Variants in ABCB1 observed in about 807,000 individuals in gnomAD.
ABCB1 encodes ATP-dependent translocase ABCB1.
ABCB1 carries 69 observed loss-of-function variants against 142.0 expected under a neutral mutation model. That is an observed-to-expected ratio of 0.49 (90% CI 0.40 to 0.59). The LOEUF (loss-of-function observed/expected upper bound fraction) is 0.59. Among genes scored for constraint, ABCB1 ranks in the 20% least tolerant of loss-of-function variants. The pLI, the probability that ABCB1 is intolerant of heterozygous loss-of-function variation, is 0.00. For synonymous variants in ABCB1, 532 were observed against 539.2 expected (o/e 0.99, Z 0.18); for missense variants, 1,326 against 1,554.7 (o/e 0.85, Z 2.47).
chr7:87,696,320 A>G (rs1175674590), intron 1 of ABCB1, among the ~76,000 whole-genome samples: 3 of 152,106 alleles, frequency 2.0e-5, no homozygotes, highest in Admixed American at 2.0e-4. Flanking sequence ...TATTACTTCA[A>G]TATTTATTTT....
intron 1 of ABCB1, among the ~76,000 whole-genome samples, chr7:87,709,033 TTTATAAGTCTG>T (rs1450754369): frequency 6.6e-6 from 1 of 152,224 alleles, no homozygotes; most frequent in Non-Finnish European, 1.5e-5. Context: ...CCAAACAATC[TTTATAAGTCTG>T]TTTGTCTTCT....
At chr7:87,538,909 A>G (rs1179535605) in intron 19 of ABCB1, among the ~76,000 whole-genome samples, 1 of 152,182 alleles carries the variant, frequency 6.6e-6, no homozygotes. Flanking sequence ...TGGTGGGAAG[A>G]AACACTCGTG....
intron 1 of ABCB1, among the ~76,000 whole-genome samples, chr7:87,632,223 T>C (rs989957266): frequency 1.3e-5 from 2 of 152,200 alleles, no homozygotes; most frequent in African/African-American, 4.8e-5. Flanking sequence ...CAGTTTAGGT[T>C]TAAAGTCTTC....
chr7:87,527,295 T>C (rs1815825674), intron 21 of ABCB1, among the ~76,000 whole-genome samples: 1 of 152,214 alleles, frequency 6.6e-6, no homozygotes, highest in African/African-American at 2.4e-5. Flanking sequence ...CTCACAGCAA[T>C]CCTGCACCCA....
At chr7:87,642,727 T>G (rs1218176146) in intron 1 of ABCB1, among the ~76,000 whole-genome samples, 2 of 152,100 alleles carry the variant, frequency 1.3e-5, no homozygotes, top group African/African-American at 4.8e-5. Flanking sequence ...TTTAAGAGTG[T>G]GCTTCTAACG....
At chr7:87,504,604 G>A (rs1814641988) in intron 27 of ABCB1, among the ~76,000 whole-genome samples, 155 bp from the exon 28 acceptor site, 2 of 152,136 alleles carry the variant, frequency 1.3e-5, no homozygotes, top group Admixed American at 6.5e-5. Flanking sequence ...GTCAGATTGA[G>A]ACCATCCTGG....
chr7:87,699,781 C>A (rs1007568383), intron 1 of ABCB1, among the ~76,000 whole-genome samples: 1 of 152,130 alleles, frequency 6.6e-6, no homozygotes, highest in Non-Finnish European at 1.5e-5. Flanking sequence ...TTAGCCAAAT[C>A]TGAAAGATTA....
chr7:87,693,544 G>A (rs1332000960), intron 1 of ABCB1, among the ~76,000 whole-genome samples: 2 of 152,030 alleles, frequency 1.3e-5, no homozygotes, highest in African/African-American at 4.8e-5. Context: ...GAGGTGCATC[G>A]CCAGCAAGTT....
At chr7:87,588,238 C>T (rs755758250) in intron 3 of ABCB1, among the ~76,000 whole-genome samples, 1 of 151,252 alleles carries the variant, frequency 6.6e-6, no homozygotes, top group Non-Finnish European at 1.5e-5. Context: ...CATACGTAAA[C>T]TTGTTTCATG....
chr7:87,561,421 AAC>A (rs759811438), intron 7 of ABCB1, 34 bp from the exon 8 acceptor site: 5 of 1,579,200 alleles, frequency 3.2e-6, no homozygotes, highest in Non-Finnish European at 4.3e-6. Context: ...TCATGAAAAA[AAC>A]ACGTTAATTT....
At chr7:87,568,952 T>C (rs1376278526) in intron 5 of ABCB1, among the ~76,000 whole-genome samples, 1 of 152,222 alleles carries the variant, frequency 6.6e-6, no homozygotes, top group African/African-American at 2.4e-5. Flanking sequence ...AGACATTCTG[T>C]TTCATTTTCC....
intron 1 of ABCB1, among the ~76,000 whole-genome samples, chr7:87,692,333 T>G (rs917073053): frequency 6.6e-6 from 1 of 152,140 alleles, no homozygotes; most frequent in African/African-American, 2.4e-5. Flanking sequence ...GGCACGCACC[T>G]GTAGTCTTAG....
At position 87,626,023 on chromosome 7, in the gene ABCB1, TAGAGAG is replaced by T. The variant is rs201541879; in HGVS notation, c.-330-24951_-330-24946del. Among the ~76,000 whole-genome samples the T allele has an allele frequency of 3.3e-3, 379 of 114,452 alleles. 5 individuals carry two copies. The highest frequency in any genetic ancestry group is 0.014 in the East Asian group (53 of 3,700). 75.1% of individuals were successfully genotyped at this position (114,452 alleles called of 152,430 possible). A position where few individuals can be genotyped will look rare whatever the true frequency, so the allele number is the denominator to read the frequency against. Reference sequence around the variant, plus strand: ...ATGTATATGTACATATATATATATATAGAGAGAGAGAGAGAGAGAGAGATGGAGTCT... The same window carrying T: ...ATGTATATGTACATATATATATATATAGAGAGAGAGAGAGAGATGGAGTCT... On this transcript the variant is annotated intron_variant, in intron 1 of 28. Coordinates refer to the ABCB1 transcript ENST00000265724.
At chr7:87,562,859 G>A (rs1456481963) in intron 7 of ABCB1, among the ~76,000 whole-genome samples, 1 of 151,996 alleles carries the variant, frequency 6.6e-6, no homozygotes, top group African/African-American at 2.4e-5. Flanking sequence ...CAGGACTTTG[G>A]GGTGACAAGT....
intron 3 of ABCB1, 29 bp from the exon 4 acceptor site, chr7:87,585,709 G>C (rs780508812): frequency 1.2e-6 from 2 of 1,607,968 alleles, no homozygotes; most frequent in Admixed American, 1.7e-5. Flanking sequence ...GAATAGCAGA[G>C]GAAAAATTAG....
intron 14 of ABCB1, among the ~76,000 whole-genome samples, chr7:87,548,763 G>A (rs1357844591): frequency 6.6e-6 from 1 of 152,180 alleles, no homozygotes; most frequent in African/African-American, 2.4e-5. Context: ...ATGCTATTTG[G>A]TGAATGAGTC....
At chr7:87,519,545 A>G in intron 22 of ABCB1, 79 bp from the exon 23 acceptor site, 2 of 1,563,396 alleles carry the variant, frequency 1.3e-6, no homozygotes, top group Non-Finnish European at 1.8e-6. Context: ...GGTTGGCAGT[A>G]GGGCACAGAG....
In ABCB1 at chr7:87,648,054, G is replaced by A. The variant is rs1823199803; in HGVS notation, c.-330-46976C>T. Among the ~76,000 whole-genome samples, 5 of 151,754 alleles carry A rather than the reference G, an allele frequency of 3.3e-5. No individual in the cohort carries two copies. The South Asian group carries it at 1.0e-3, about 32-fold the overall frequency. ...CAAAAAATTAGCCGGGCTTGGTGGT[G>A]GGCGCCTGTAGTCCCAGCTACTCAG... On this transcript the variant is annotated intron_variant, in intron 1 of 28. Coordinates refer to the ABCB1 transcript ENST00000265724.
intron 1 of ABCB1, among the ~76,000 whole-genome samples, chr7:87,704,017 C>A (rs538630812): frequency 7.1e-6 from 1 of 141,066 alleles, no homozygotes. Context: ...ACCTCCCAGG[C>A]TCAAGCAATT....
Sources: gnomAD v4.1 joint callset for allele counts (sites outside exome capture counted in the v4.1 genomes callset) on GRCh38, gnomAD v4.1.1 for gene constraint, MANE v1.5 for transcripts, NCBI Gene and HGNC (gene_info 2026-07-23, HGNC 2026-07-21) for gene names.